Variants in KIAA0753 observed in about 807,000 individuals in gnomAD.
KIAA0753 encodes protein moonraker.
A neutral mutation model predicts 116.9 loss-of-function variants in KIAA0753; 114 were observed. The observed-to-expected ratio is 0.98, with a 90% CI of 0.84 to 1.14. KIAA0753 has a LOEUF of 1.14. Ranked by LOEUF, KIAA0753 falls within the 50% of genes most tolerant of loss-of-function variation. KIAA0753 has a pLI of 0.00. For synonymous variants in KIAA0753, 405 were observed against 413.1 expected, an observed-to-expected ratio of 0.98 and a Z score of 0.24; for missense variants, 1,156 against 1,172.4, an observed-to-expected ratio of 0.99 and a Z score of 0.20.
chr17:6,630,291 C>T (rs1458634493), intron 2 of KIAA0753, among the ~76,000 whole-genome samples: 2 of 152,028 alleles, frequency 1.3e-5, no homozygotes, highest in African/African-American at 4.8e-5. Flanking sequence ...CCATCTCTTA[C>T]CCAACCGATT....
intron 14 of KIAA0753, among the ~76,000 whole-genome samples, chr17:6,598,941 G>C (rs909852228): frequency 6.6e-6 from 1 of 152,160 alleles, no homozygotes; most frequent in Non-Finnish European, 1.5e-5. Context: ...TTCTGCCGCA[G>C]GCCACCAACA....
At chr17:6,628,066 T>C in intron 3 of KIAA0753, 51 bp downstream of exon 3, 2 of 1,533,182 alleles carry the variant, frequency 1.3e-6, no homozygotes, top group Non-Finnish European at 1.8e-6. Context: ...GCATTTAAAC[T>C]ACCCCATAAT....
intron 1 of KIAA0753, chr17:6,636,639 A>G (rs1422235085): frequency 6.6e-6 from 1 of 152,118 alleles, no homozygotes; most frequent in Non-Finnish European, 1.5e-5. Context: ...GTCCCTCTAC[A>G]TACCCTGGGG....
intron 18 of KIAA0753, 65 bp from the exon 19 acceptor site, chr17:6,579,929 T>A: frequency 8.2e-7 from 1 of 1,223,494 alleles, no homozygotes; most frequent in Non-Finnish European, 1.2e-6. Context: ...ACACCTGTCA[T>A]CCCAGCACTT....
At chr17:6,598,027 C>A (rs1969598892) in intron 14 of KIAA0753, among the ~76,000 whole-genome samples, 1 of 152,206 alleles carries the variant, frequency 6.6e-6, no homozygotes, top group African/African-American at 2.4e-5. Flanking sequence ...CACAGAGTTA[C>A]TTTTCTGTTT....
In KIAA0753 at chr17:6,581,468, C is replaced by T. The variant is rs182613941; in HGVS notation, c.2787-1604G>A. ...TTACGGTGATGTCTGCCAGGTTTCT[C>T]CCTTGTAAAGTTACTGTTTTCCCCT... On this transcript the variant is annotated intron_variant, in intron 18 of 18. Coordinates refer to ENST00000361413, the MANE Select transcript of KIAA0753 (RefSeq NM_014804.3). 2.1e-3 allele frequency among the ~76,000 whole-genome samples: 319 copies of T among 152,266 alleles called. 2 individuals carry two copies. The highest frequency in any genetic ancestry group is 7.5e-3 in the African/African-American group (312 of 41,544).
intron 2 of KIAA0753, among the ~76,000 whole-genome samples, chr17:6,634,447 G>A (rs1226080238): frequency 1.3e-5 from 2 of 152,164 alleles, no homozygotes; most frequent in Admixed American, 1.3e-4. Context: ...TATGGAAGTA[G>A]TTTGGATACT....
At chr17:6,580,856 G>T (rs1178337098) in intron 18 of KIAA0753, among the ~76,000 whole-genome samples, 1 of 151,726 alleles carries the variant, frequency 6.6e-6, no homozygotes, top group African/African-American at 2.4e-5. Context: ...CTCTGTAGGA[G>T]ACGGGGGAGG....
rs1366467759 is a variant in KIAA0753 at position 6,628,376 on chromosome 17, T to G, written c.459A>C (p.Ala153=). The part of the protein sequence containing the change: ...RVERKESKSQ[A]ACQCSHQPSK... Reference sequence around the variant, plus strand: ...ATGGCTGGTGGCTACACTGACAGGCTGCTTGACTCTTTGATTCCTTCCTTT... The same window carrying G: ...ATGGCTGGTGGCTACACTGACAGGCGGCTTGACTCTTTGATTCCTTCCTTT... The change falls in exon 3 of 19, where the codon GCA becomes GCC. Residue 153 remains alanine, a synonymous_variant. Transcript: ENST00000361413. 9 of 1,614,236 alleles carry G rather than the reference T, an allele frequency of 5.6e-6. No individual in the cohort carries two copies. Among genetic ancestry groups the G allele is most frequent in the Non-Finnish European group, 6.8e-6 (8 of 1,180,032 alleles).
Position 6,595,040 on chromosome 17 carries a change from G to T in KIAA0753, c.2372C>A (p.Ser791Tyr). The T allele has an allele frequency of 6.2e-7, 1 of 1,605,202 alleles. No individual in the cohort carries two copies. The highest frequency in any genetic ancestry group is 8.5e-7 in the Non-Finnish European group (1 of 1,174,660). Residue 791 changes from serine to tyrosine, a missense_variant, in exon 16 of 19, where the codon TCT becomes TAT. Coordinates refer to ENST00000361413, the MANE Select transcript of KIAA0753 (RefSeq NM_014804.3). ...GATTTTATTATATCTTTGACGAACAGACTCCTGGTATTTCTTTAAAAAAAA... is the reference window on the plus strand; with the variant it reads ...GATTTTATTATATCTTTGACGAACATACTCCTGGTATTTCTTTAAAAAAAA... ...RMEEMEKYQESVRQRYNKIAY... is the reference protein window; with the variant it reads ...RMEEMEKYQEYVRQRYNKIAY...
intron 18 of KIAA0753, among the ~76,000 whole-genome samples, chr17:6,586,090 T>A (rs1236293226): frequency 6.6e-6 from 1 of 152,122 alleles, no homozygotes; most frequent in East Asian, 1.9e-4. Flanking sequence ...TGAGTTCTCA[T>A]GAGATCTGGT....
At chr17:6,580,529 G>T in intron 18 of KIAA0753, among the ~76,000 whole-genome samples, 1 of 151,994 alleles carries the variant, frequency 6.6e-6, no homozygotes, top group Non-Finnish European at 1.5e-5. Context: ...TGTTAGCCAG[G>T]ATGGTCTCAA....
rs184344246 is a variant in KIAA0753, at chr17:6,629,333, A to C, written c.94-592T>G. On this transcript the variant is annotated intron_variant, in intron 2 of 18. Transcript: ENST00000361413. The stretch of plus-strand genomic sequence containing the variant: ...TTTGTTTCGTTTTGCACTTAAACAT[A>C]AACATGTTTCTATATCCCTACAGCT... 1.1e-4 allele frequency among the ~76,000 whole-genome samples: 17 copies of C among 152,350 alleles called. No homozygotes were observed. The East Asian group carries it at 1.7e-3, about 16-fold the overall frequency.
intron 3 of KIAA0753, among the ~76,000 whole-genome samples, chr17:6,626,637 G>A (rs1005719188): frequency 6.6e-6 from 1 of 152,112 alleles, no homozygotes; most frequent in Non-Finnish European, 1.5e-5. Context: ...TACTTCAAAG[G>A]GGGTCTGCAG....
chr17:6,593,193 A>T lies in KIAA0753; in HGVS notation c.2440+1779T>A, dbSNP rs1211324255. Reference sequence around the variant, plus strand: ...CAAGCAACCCCAAAAAAAAACTGACAAAAGATTTTGGACGCTTCACAAGGG... The same window carrying T: ...CAAGCAACCCCAAAAAAAAACTGACTAAAGATTTTGGACGCTTCACAAGGG... On this transcript the variant is annotated intron_variant, in intron 16 of 18. Coordinates refer to ENST00000361413, the MANE Select transcript of KIAA0753 (RefSeq NM_014804.3). Among the ~76,000 whole-genome samples, 6 of 152,268 alleles carry T rather than the reference A, an allele frequency of 3.9e-5. No homozygotes were observed. In the East Asian group the frequency reaches 1.2e-3, roughly 29 times the overall value.
intron 2 of KIAA0753, among the ~76,000 whole-genome samples, chr17:6,629,449 A>T (rs1311207538): frequency 6.6e-6 from 1 of 152,222 alleles, no homozygotes. Flanking sequence ...AGATTGTTCC[A>T]GTTTTTCCAC....
chr17:6,635,029 G>A lies in KIAA0753; in HGVS notation c.75C>T (p.Pro25=), dbSNP rs989630877. The A allele has an allele frequency of 1.9e-6, 3 of 1,609,410 alleles. No individual in the cohort carries two copies. Among genetic ancestry groups the A allele is most frequent in the Non-Finnish European group, 2.6e-6 (3 of 1,175,840 alleles). ...PRTQLDGRSD[P]KVLQTQNQLQ... Reference sequence around the variant, plus strand: ...GAACTACCTGGGTCTGAAGTACTTTGGGGTCGCTCCTCCCATCAAGTTGGG... The same window carrying A: ...GAACTACCTGGGTCTGAAGTACTTTAGGGTCGCTCCTCCCATCAAGTTGGG... The change falls in exon 2 of 19, where the codon CCC becomes CCT. Residue 25 remains proline, a synonymous_variant. Coordinates refer to ENST00000361413, the MANE Select transcript of KIAA0753 (RefSeq NM_014804.3).
intron 18 of KIAA0753, among the ~76,000 whole-genome samples, chr17:6,581,003 A>C (rs1968141579): frequency 6.6e-6 from 1 of 152,128 alleles, no homozygotes; most frequent in Non-Finnish European, 1.5e-5. Flanking sequence ...CTCTTAAATA[A>C]CTATGGTACA....
At chr17:6,608,914 C>T (rs987849143) in intron 9 of KIAA0753, among the ~76,000 whole-genome samples, 5 of 152,150 alleles carry the variant, frequency 3.3e-5, no homozygotes, top group Admixed American at 2.6e-4. Flanking sequence ...GTTTGTAATA[C>T]AAACTTCAAC....
Sources: allele counts gnomAD v4.1 joint callset (sites outside exome capture counted in the v4.1 genomes callset), GRCh38; gene constraint gnomAD v4.1.1; transcripts MANE v1.5; gene names NCBI Gene and HGNC (gene_info 2026-07-23, HGNC 2026-07-21).